EIF2AK2: variants seen among roughly 807,000 people sequenced by gnomAD.
EIF2AK2 encodes the protein eukaryotic translation initiation factor 2 alpha kinase 2.
In EIF2AK2, 40 loss-of-function variants were observed where a neutral mutation model predicts 70.5. The observed-to-expected ratio is 0.57, with a 90% CI of 0.44 to 0.74. The LOEUF (loss-of-function observed/expected upper bound fraction) is 0.74. EIF2AK2 is among the 30% of genes least tolerant of loss of function. The pLI is 0.00. For missense variants in EIF2AK2, 555 were observed against 644.3 expected, an observed-to-expected ratio of 0.86 and a Z score of 1.50; for synonymous variants, 198 against 220.9, an observed-to-expected ratio of 0.90 and a Z score of 0.92.
chr2:37,109,740 T>C (rs143845509), intron 14 of EIF2AK2, among the ~76,000 whole-genome samples: 117 of 152,320 alleles, frequency 7.7e-4, no homozygotes, highest in African/African-American at 2.7e-3. Flanking sequence ...GACTCAGCAA[T>C]AAAAAGGAAT....
chr2:37,132,624 G>C (rs1674984571), intron 10 of EIF2AK2, among the ~76,000 whole-genome samples: 1 of 152,058 alleles, frequency 6.6e-6, no homozygotes, highest in Non-Finnish European at 1.5e-5. Flanking sequence ...TCTGTTATGG[G>C]ACATCCACAA....
chr2:37,146,049 C>G (rs1334172943), intron 4 of EIF2AK2, among the ~76,000 whole-genome samples: 1 of 152,108 alleles, frequency 6.6e-6, no homozygotes, highest in Non-Finnish European at 1.5e-5. Context: ...CCACCAAGCC[C>G]AGCCTTTTGT....
At chr2:37,123,996 G>T (rs1192881040) in intron 11 of EIF2AK2, among the ~76,000 whole-genome samples, 1 of 148,528 alleles carries the variant, frequency 6.7e-6, no homozygotes, top group Non-Finnish European at 1.5e-5. Flanking sequence ...TTGAGACAGG[G>T]TCTCACTCTG....
chr2:37,150,937 T>C (rs1675719801), intron 1 of EIF2AK2, among the ~76,000 whole-genome samples: 1 of 152,124 alleles, frequency 6.6e-6, no homozygotes, highest in Admixed American at 6.5e-5. Flanking sequence ...ATGATTTAAA[T>C]TATAAACAAA....
At chr2:37,109,048 G>A in intron 15 of EIF2AK2, 146 bp downstream of exon 15, 1 of 720,166 alleles carries the variant, frequency 1.4e-6, no homozygotes, top group Non-Finnish European at 2.3e-6. Context: ...AACCTTGAAA[G>A]ACAGAAAATT....
intron 3 of EIF2AK2, 93 bp from the exon 4 acceptor site, chr2:37,147,066 T>G: frequency 1.7e-6 from 2 of 1,208,078 alleles, no homozygotes; most frequent in Non-Finnish European, 1.1e-6. Context: ...TATGACTACC[T>G]TTGAGGGTTT....
chr2:37,147,854 G>A, intron 2 of EIF2AK2, 32 bp from the exon 3 acceptor site: 1 of 1,436,710 alleles, frequency 7.0e-7, no homozygotes, highest in Non-Finnish European at 9.8e-7. Context: ...AATGAGTGAT[G>A]CTCACAGAAC....
chr2:37,107,604 A>G lies in EIF2AK2; in HGVS notation c.1480-77T>C, dbSNP rs868591505. On this transcript the variant is annotated intron_variant, in intron 15 of 16. Coordinates refer to ENST00000233057, the MANE Select transcript of EIF2AK2 (RefSeq NM_001135651.3). ...AAGACAGAACTAAAGGCTGAGGAAT[A>G]CCTGAAATGTAGGATATTTCCAGAT... 2.0e-6 allele frequency: 3 copies of G among 1,471,052 alleles called. No homozygotes were observed. In the South Asian group the frequency reaches 3.7e-5, roughly 18 times the overall value. The allele number at this position is 1,471,052 out of a possible 1,614,324, so 91.1% of individuals were successfully genotyped here.
chr2:37,117,431 G>A (rs1674384283), intron 13 of EIF2AK2, among the ~76,000 whole-genome samples: 1 of 151,438 alleles, frequency 6.6e-6, no homozygotes. Flanking sequence ...CAGCTATGTG[G>A]GGGGCCGAGG....
At chr2:37,123,187 G>A (rs1674615751) in intron 11 of EIF2AK2, among the ~76,000 whole-genome samples, 1 of 151,590 alleles carries the variant, frequency 6.6e-6, no homozygotes, top group Admixed American at 6.6e-5. Flanking sequence ...ATAAATAAAA[G>A]GCAGCGACTT....
chr2:37,139,998 T>G (rs1675272716), intron 5 of EIF2AK2, among the ~76,000 whole-genome samples: 1 of 152,068 alleles, frequency 6.6e-6, no homozygotes, highest in Non-Finnish European at 1.5e-5. Context: ...AATTTTTTGT[T>G]GCTTTGCTGA....
chr2:37,120,793 TC>T (rs1279378144), intron 12 of EIF2AK2, among the ~76,000 whole-genome samples: 1 of 148,460 alleles, frequency 6.7e-6, no homozygotes, highest in Non-Finnish European at 1.5e-5. Context: ...CGAAACCCCA[TC>T]TCTACTAAAA....
At chr2:37,149,958 G>A (rs758396018) in intron 1 of EIF2AK2, among the ~76,000 whole-genome samples, 2 of 152,074 alleles carry the variant, frequency 1.3e-5, no homozygotes, top group Admixed American at 6.6e-5. Context: ...ACAAAGCAAC[G>A]AAAAATGATA....
At chr2:37,138,983 G>A (rs1422986337) in intron 6 of EIF2AK2, among the ~76,000 whole-genome samples, 9 of 144,750 alleles carry the variant, frequency 6.2e-5, no homozygotes, top group African/African-American at 7.9e-5. Context: ...TTTTTGTAGC[G>A]ACATGGTTTT....
At chr2:37,109,095 G>T in intron 15 of EIF2AK2, 99 bp downstream of exon 15, 1 of 994,126 alleles carries the variant, frequency 1.0e-6, no homozygotes, top group Non-Finnish European at 1.5e-6. Flanking sequence ...ATATGCTCAA[G>T]CCCATCCTCA....
intron 15 of EIF2AK2, 45 bp downstream of exon 15, chr2:37,109,149 G>A (rs1208955076): frequency 3.2e-6 from 5 of 1,571,956 alleles, no homozygotes; most frequent in Non-Finnish European, 4.4e-6. Flanking sequence ...GAAGGTGGTA[G>A]TCAGTAATTT....
chr2:37,155,201 G>C (rs753226241), intron 1 of EIF2AK2, among the ~76,000 whole-genome samples: 3 of 152,130 alleles, frequency 2.0e-5, no homozygotes, highest in Non-Finnish European at 4.4e-5. Flanking sequence ...TCCTTCTGCT[G>C]TCTTGGCCTG....
chr2:37,141,167 C>A (rs141715801), intron 5 of EIF2AK2, among the ~76,000 whole-genome samples: 137 of 152,256 alleles, frequency 9.0e-4, no homozygotes, highest in African/African-American at 3.1e-3. Flanking sequence ...CCTGATCTGA[C>A]AAGGGTGAAG....
chr2:37,146,703 A>T (rs1675551656), intron 4 of EIF2AK2, 150 bp downstream of exon 4: 1 of 954,414 alleles, frequency 1.0e-6, no homozygotes, highest in Non-Finnish European at 1.5e-6. Flanking sequence ...GTTTCATAGA[A>T]ATGAAGATAG....
Sources: gnomAD v4.1 joint callset for allele counts (sites outside exome capture counted in the v4.1 genomes callset) on GRCh38, gnomAD v4.1.1 for gene constraint, MANE v1.5 for transcripts, NCBI Gene and HGNC (gene_info 2026-07-23, HGNC 2026-07-21) for gene names.